The following PAQR3 variants were observed in gnomAD, a reference collection of about 807,000 sequenced individuals.
The protein encoded by PAQR3 is progestin and adipoQ receptor family member 3.
Under a neutral mutation model 41.7 loss-of-function variants are expected in PAQR3, and 39 were observed. That is an observed-to-expected ratio of 0.93 (90% confidence interval 0.72 to 1.22). The LOEUF is 1.22. Among genes scored for constraint, PAQR3 ranks in the 50% most tolerant of loss-of-function variants. The pLI is 0.00. For synonymous variants in PAQR3, 140 were observed against 140.6 expected (o/e 1.00, Z 0.03); for missense variants, 366 against 385.6 (o/e 0.95, Z 0.42).
chr4:78,895,012 T>TC (rs1304360805), intron 11 of PAQR3, among the ~76,000 whole-genome samples: 3 of 152,150 alleles, frequency 2.0e-5, no homozygotes, highest in Non-Finnish European at 4.4e-5. Flanking sequence ...TGCTGTCTTA[T>TC]ATGGGCTCAG....
Position 78,918,931 on chromosome 4 carries a change from AT to A in PAQR3, c.*1607del. ...TCTATCACTTAACATATGGATCAAA[AT>A]TTTAACCTTATAAGGTAAAACAGCC... On this transcript the variant is annotated 3_prime_UTR_variant, in exon 6 of 6. Coordinates refer to ENST00000512733, the MANE Select transcript of PAQR3 (RefSeq NM_001040202.2). The A allele has an allele frequency of 4.1e-6, 4 of 985,066 alleles. No individual in the cohort carries two copies. Among genetic ancestry groups the A allele is most frequent in the South Asian group, 4.7e-5 (1 of 21,278 alleles). The allele number at this position is 985,066 out of a possible 1,614,324, so 61.0% of individuals were successfully genotyped here. A position where few individuals can be genotyped will look rare whatever the true frequency, so the allele number is the denominator to read the frequency against.
At chr4:78,902,952 G>A (rs1734087298) in intron 11 of PAQR3, among the ~76,000 whole-genome samples, 1 of 151,928 alleles carries the variant, frequency 6.6e-6, no homozygotes, top group Non-Finnish European at 1.5e-5. Flanking sequence ...TGAAGTATTT[G>A]TTTAAAAAAT....
chr4:78,922,485 G>T, intron 5 of PAQR3: 2 of 1,223,484 alleles, frequency 1.6e-6, no homozygotes, highest in South Asian at 2.5e-5. Context: ...CTGACTCATA[G>T]CTCTCCAAAC....
rs368954968 is a variant in PAQR3, at chr4:78,935,276, T to C, written c.193A>G (p.Ile65Val). The C allele has an allele frequency of 1.9e-6, 3 of 1,608,244 alleles. No homozygotes were observed. The East Asian group carries it at 6.7e-5, about 36-fold the overall frequency. The change falls in exon 2 of 6, where the codon ATT (isoleucine) becomes GTT (valine). Residue 65 changes from isoleucine to valine, a missense_variant. By Grantham distance (29) the Ile-to-Val change is conservative (BLOSUM62 3). Transcript: ENST00000512733. ...ATGTTTACTGTCTCATTAGATAAAA[T>C]AAACAAACTGGAAAATAAACACACA... ...PSRLCIKSLF[I>V]LSNETVNIWS... is the part of the protein sequence containing the mutation.
In PAQR3 at chr4:78,917,568, C is replaced by T. The variant is rs1022315243; in HGVS notation, c.*2971G>A. The T allele has an allele frequency of 6.6e-6, 1 of 152,332 alleles. No homozygotes were observed. The highest frequency in any genetic ancestry group is 6.6e-5 in the Admixed American group (1 of 15,182). The allele number at this position is 152,332 out of a possible 1,614,324, so 9.4% of individuals were successfully genotyped here. A position where few individuals can be genotyped will look rare whatever the true frequency, so the allele number is the denominator to read the frequency against. On this transcript the variant is annotated 3_prime_UTR_variant, in exon 6 of 6. Transcript: ENST00000512733. ...TAAACACAGTTATTGTGATAATGCA[C>T]ACAGAAGGTATTTCTACCCCTTCTC...
chr4:78,932,630 C>T (rs550163910), intron 2 of PAQR3, among the ~76,000 whole-genome samples: 2 of 152,258 alleles, frequency 1.3e-5, no homozygotes, highest in African/African-American at 2.4e-5. Flanking sequence ...CCACAAACTT[C>T]TGTTTGCCTA....
At position 78,939,249 on chromosome 4, in the gene PAQR3, G is replaced by C. The variant is rs1737783567; in HGVS notation, c.-25C>G. 3 of 1,570,070 alleles carry C rather than the reference G, an allele frequency of 1.9e-6. No homozygotes were observed. Among genetic ancestry groups the C allele is most frequent in the African/African-American group, 1.4e-5 (1 of 70,994 alleles). On this transcript the variant is annotated 5_prime_UTR_variant, in exon 1 of 6. Coordinates refer to ENST00000512733, the MANE Select transcript of PAQR3 (RefSeq NM_001040202.2). ...TCGTTCCCGGCCGCCGCCGCTCCCCGGCTCGGGAGCTCCCCCAGGTCCCGC... is the reference window on the plus strand; with the variant it reads ...TCGTTCCCGGCCGCCGCCGCTCCCCCGCTCGGGAGCTCCCCCAGGTCCCGC...
downstream of PAQR3, among the ~76,000 whole-genome samples, chr4:78,909,814 A>G (rs1305676878): frequency 6.6e-6 from 1 of 152,160 alleles, no homozygotes; most frequent in Admixed American, 6.6e-5. Flanking sequence ...GAAAGCAGAA[A>G]CCATGTTTCT....
chr4:78,922,142 A>G, intron 5 of PAQR3: 1 of 1,028,630 alleles, frequency 9.7e-7, no homozygotes, highest in Non-Finnish European at 1.2e-6. Context: ...ATATTTTACC[A>G]GAATTGTTTT....
intron 3 of PAQR3, among the ~76,000 whole-genome samples, chr4:78,928,776 C>T (rs1304271251): frequency 6.6e-6 from 1 of 152,196 alleles, no homozygotes; most frequent in Non-Finnish European, 1.5e-5. Flanking sequence ...TTATTGTGCA[C>T]TTTATTTCTA....
rs1200155225 is a variant in PAQR3 at position 78,912,850 on chromosome 4, G to A, written c.*7689C>T. Reference sequence around the variant, plus strand: ...TCTGACATTTGTAAAGAAATTATAAGAAGAAAAAAAGATACAGAACAGAAA... The same window carrying A: ...TCTGACATTTGTAAAGAAATTATAAAAAGAAAAAAAGATACAGAACAGAAA... On this transcript the variant is annotated 3_prime_UTR_variant, in exon 6 of 6. Coordinates refer to ENST00000512733, the MANE Select transcript of PAQR3 (RefSeq NM_001040202.2). 1 of 151,946 alleles carries A rather than the reference G, an allele frequency of 6.6e-6. No homozygotes were observed. Among genetic ancestry groups the A allele is most frequent in the Non-Finnish European group, 1.5e-5 (1 of 67,942 alleles). 9.4% of individuals were successfully genotyped at this position (151,946 alleles called of 1,614,324 possible).
chr4:78,887,104 A>G, downstream of PAQR3: 1 of 1,095,562 alleles, frequency 9.1e-7, no homozygotes, highest in Non-Finnish European at 1.3e-6. Context: ...TTATATGTAT[A>G]TCACTTTTTA....
intron 5 of PAQR3, among the ~76,000 whole-genome samples, chr4:78,921,066 G>A (rs1459095297): frequency 1.3e-5 from 2 of 151,884 alleles, no homozygotes. Flanking sequence ...GTATAAATCC[G>A]CGAGAAGGAG....
At chr4:78,904,520 A>G (rs1363995440) in intron 11 of PAQR3, among the ~76,000 whole-genome samples, 1 of 151,938 alleles carries the variant, frequency 6.6e-6, no homozygotes, top group Non-Finnish European at 1.5e-5. Flanking sequence ...AAAACTTTAT[A>G]ACCTATCATT....
chr4:78,900,067 ATCT>A (rs537781594), intron 11 of PAQR3, among the ~76,000 whole-genome samples: 140 of 152,262 alleles, frequency 9.2e-4, no homozygotes, highest in African/African-American at 3.2e-3. Context: ...TGCTATCCCT[ATCT>A]TCTTTTGTGT....
intron 3 of PAQR3, among the ~76,000 whole-genome samples, chr4:78,929,852 A>G (rs941365874): frequency 1.3e-5 from 2 of 152,242 alleles, no homozygotes; most frequent in African/African-American, 4.8e-5. Flanking sequence ...CAAATAAAAG[A>G]TATATAATGT....
At position 78,918,011 on chromosome 4, in the gene PAQR3, A is replaced by G; in HGVS notation, c.*2528T>C. The G allele has an allele frequency of 5.1e-6, 5 of 982,504 alleles. No homozygotes were observed. Among genetic ancestry groups the G allele is most frequent in the Non-Finnish European group, 6.0e-6 (5 of 826,908 alleles). The allele number at this position is 982,504 out of a possible 1,614,324, so 60.9% of individuals were successfully genotyped here. On this transcript the variant is annotated 3_prime_UTR_variant, in exon 6 of 6. Coordinates refer to ENST00000512733, the MANE Select transcript of PAQR3 (RefSeq NM_001040202.2). ...AGCTTACTGAATTGCAGTTAGTGTAATAACAAAAAAAGACAAGCACTGTCT... is the reference window on the plus strand; with the variant it reads ...AGCTTACTGAATTGCAGTTAGTGTAGTAACAAAAAAAGACAAGCACTGTCT...
chr4:78,890,704 T>C lies in PAQR3; in HGVS notation c.*837-2556A>G, dbSNP rs140901262. 1.2e-4 allele frequency among the ~76,000 whole-genome samples: 19 copies of C among 152,358 alleles called. No individual in the cohort carries two copies. In the East Asian group the frequency reaches 3.5e-3, roughly 28 times the overall value. On this transcript the variant is annotated intron_variant and NMD_transcript_variant, in intron 11 of 12. Transcript: ENST00000342820. ...AGTTTAAGGTGGCTATCATTTTCAT[T>C]CTTCATTACATCTCTCATGGAGCTC...
chr4:78,892,020 G>T (rs1211537526), intron 11 of PAQR3, among the ~76,000 whole-genome samples: 4 of 152,118 alleles, frequency 2.6e-5, no homozygotes, highest in African/African-American at 9.7e-5. Context: ...GTCTTTAAAA[G>T]GATGTTTTAT....
Sources: allele counts gnomAD v4.1 joint callset (sites outside exome capture counted in the v4.1 genomes callset), GRCh38; gene constraint gnomAD v4.1.1; transcripts MANE v1.5; gene names NCBI Gene and HGNC (gene_info 2026-07-23, HGNC 2026-07-21).